PDPR: variants seen among roughly 807,000 people sequenced by gnomAD.
The protein encoded by PDPR is pyruvate dehydrogenase phosphatase regulatory subunit, mitochondrial.
In PDPR, 50 loss-of-function variants were observed where a neutral mutation model predicts 102.2. That is an observed-to-expected ratio of 0.49 (90% CI 0.39 to 0.62). PDPR has a LOEUF of 0.62. Among genes scored for constraint, PDPR ranks in the 20% least tolerant of loss-of-function variants. The probability of loss-of-function intolerance (pLI) is 0.00; values close to 1 mark genes in which losing one functional copy is unlikely to be tolerated. For synonymous variants in PDPR, 259 were observed against 406.0 expected (o/e 0.64, Z 4.35); for missense variants, 625 against 1,098.2 (o/e 0.57, Z 6.09).
chr16:70,129,571 A>G (rs7203526), intron 6 of PDPR, among the ~76,000 whole-genome samples: 1 of 152,034 alleles, frequency 6.6e-6, no homozygotes. Context: ...CTGGTCTTGA[A>G]CTCCTGACCT....
chr16:70,157,563 A>G lies in PDPR; in HGVS notation c.*684A>G, dbSNP rs1296857056. The G allele has an allele frequency of 5.6e-5, 11 of 196,738 alleles. No homozygotes were observed. The highest frequency in any genetic ancestry group is 1.1e-4 in the Non-Finnish European group (11 of 95,848). 12.2% of individuals were successfully genotyped at this position (196,738 alleles called of 1,614,324 possible). A position where few individuals can be genotyped will look rare whatever the true frequency, so the allele number is the denominator to read the frequency against. ...ACCTTTGGGCCAGGGCAGCCTCCCT[A>G]TAATTTTCTTCATCTCTTGCTAATC... is the stretch of plus-strand genomic sequence containing the variant. On this transcript the variant is annotated 3_prime_UTR_variant, in exon 19 of 19. Coordinates refer to ENST00000288050, the MANE Select transcript of PDPR (RefSeq NM_017990.5).
chr16:70,151,166 C>T (rs1966708300), intron 17 of PDPR, among the ~76,000 whole-genome samples: 1 of 152,218 alleles, frequency 6.6e-6, no homozygotes, highest in South Asian at 2.1e-4. Context: ...AATCGCCTGA[C>T]CTCGTGAGCC....
Position 70,156,658 on chromosome 16 carries a change from A to G in PDPR, c.2419A>G (p.Ser807Gly). 1 of 1,614,118 alleles carries G rather than the reference A, an allele frequency of 6.2e-7. No homozygotes were observed. Among genetic ancestry groups the G allele is most frequent in the South Asian group, 1.1e-5 (1 of 91,090 alleles). Reference protein sequence around the residue: ...GKTTSSAYSYSLERHVCLGFV... With the variant: ...GKTTSSAYSYGLERHVCLGFV... The stretch of plus-strand genomic sequence containing the variant: ...GACCACCAGCAGTGCCTACAGCTAC[A>G]GCCTGGAGCGCCACGTTTGCCTGGG... The change falls in exon 19 of 19, where the codon AGC (serine) becomes GGC (glycine). Residue 807 changes from serine (S) to glycine (G), a missense_variant. Ser to Gly is a moderately conservative substitution (Grantham distance 56). Transcript: ENST00000288050.
intron 17 of PDPR, among the ~76,000 whole-genome samples, chr16:70,151,351 G>T (rs1966726991): frequency 6.6e-6 from 1 of 152,276 alleles, no homozygotes; most frequent in South Asian, 2.1e-4. Flanking sequence ...TTACCGGCGT[G>T]AGCCACTGTG....
chr16:70,142,049 G>A (rs574170191), intron 11 of PDPR, among the ~76,000 whole-genome samples, 185 bp from the exon 12 acceptor site: 167 of 152,230 alleles, frequency 1.1e-3, no homozygotes, highest in Non-Finnish European at 1.5e-3. Flanking sequence ...GCAGTAAGCC[G>A]AGATTGTGCC....
chr16:70,154,052 G>A (rs536558029), intron 18 of PDPR, among the ~76,000 whole-genome samples: 3 of 152,364 alleles, frequency 2.0e-5, no homozygotes, highest in South Asian at 4.1e-4. Context: ...GGTTGCGGGC[G>A]CCTATAGTCA....
intron 3 of PDPR, among the ~76,000 whole-genome samples, chr16:70,124,390 C>T (rs1162255658): frequency 6.6e-6 from 1 of 152,240 alleles, no homozygotes; most frequent in Non-Finnish European, 1.5e-5. Context: ...TATGCCTTAT[C>T]CGTGGCTTGT....
At chr16:70,141,474 G>A (rs1482672478) in intron 11 of PDPR, among the ~76,000 whole-genome samples, 1 of 152,276 alleles carries the variant, frequency 6.6e-6, no homozygotes, top group Admixed American at 6.5e-5. Flanking sequence ...CACTTCAGAA[G>A]TGAGTTAATT....
chr16:70,156,290 T>C (rs1967178144), intron 18 of PDPR, 185 bp from the exon 19 acceptor site: 1 of 702,680 alleles, frequency 1.4e-6, no homozygotes, highest in Non-Finnish European at 2.3e-6. Flanking sequence ...CGCGGCGTCT[T>C]TTATATTTCA....
In PDPR at chr16:70,130,509, A is replaced by T; in HGVS notation, c.694A>T (p.Ile232Phe). 1 of 1,614,000 alleles carries T rather than the reference A, an allele frequency of 6.2e-7. No homozygotes were observed. The highest frequency in any genetic ancestry group is 8.5e-7 in the Non-Finnish European group (1 of 1,179,832). Residue 232 changes from isoleucine to phenylalanine, a missense_variant, in exon 7 of 19, where the codon ATT becomes TTT. By Grantham distance (21) the Ile-to-Phe change is conservative (BLOSUM62 0). Transcript: ENST00000288050. ...VTGVETDKGQ[I>F]ECQYFVNCAG... ...TGGAGTGGAGACCGATAAAGGACAG[A>T]TTGAATGCCAGTATTTTGTCAACTG...
chr16:70,156,705 G>A lies in PDPR; in HGVS notation c.2466G>A (p.Glu822=), dbSNP rs750972702. Residue 822 remains glutamate, a synonymous_variant, in exon 19 of 19, where the codon GAG becomes GAA. Transcript: ENST00000288050. ...VCLGFVHNFS[E]DTGEEQVVTA... ...TGGGCTTTGTGCACAATTTTTCTGA[G>A]GACACGGGGGAAGAGCAAGTGGTGA... is the stretch of plus-strand genomic sequence containing the variant. 1 of 1,614,002 alleles carries A rather than the reference G, an allele frequency of 6.2e-7. No individual in the cohort carries two copies. The highest frequency in any genetic ancestry group is 8.5e-7 in the Non-Finnish European group (1 of 1,179,918).
At chr16:70,152,528 A>C (rs1966815221) in intron 17 of PDPR, among the ~76,000 whole-genome samples, 1 of 152,266 alleles carries the variant, frequency 6.6e-6, no homozygotes, top group Admixed American at 6.5e-5. Context: ...AAAAATAAAT[A>C]AGTAAATAAA....
intron 18 of PDPR, among the ~76,000 whole-genome samples, chr16:70,154,121 A>C (rs1966870542): frequency 6.6e-6 from 1 of 152,220 alleles, no homozygotes. Context: ...ACGCCACTGC[A>C]CTCCAGCCTG....
chr16:70,154,918 C>T (rs572550307), intron 18 of PDPR, among the ~76,000 whole-genome samples: 5 of 152,226 alleles, frequency 3.3e-5, no homozygotes, highest in Non-Finnish European at 5.9e-5. Flanking sequence ...GGATTACAGG[C>T]GTGAGACAGC....
rs762921874 is a variant in PDPR at position 70,127,410 on chromosome 16, C to G, written c.361+17C>G. The G allele has an allele frequency of 1.9e-6, 3 of 1,603,106 alleles. No homozygotes were observed. The East Asian group carries it at 6.7e-5, about 36-fold the overall frequency. On this transcript the variant is annotated intron_variant, in intron 4 of 18. Coordinates refer to ENST00000288050, the MANE Select transcript of PDPR (RefSeq NM_017990.5). Reference sequence around the variant, plus strand: ...TCCAAACAGGTAAGCAAGTGTCTTCCATTTATTGCTTTGCCTGTCCCTGAG... The same window carrying G: ...TCCAAACAGGTAAGCAAGTGTCTTCGATTTATTGCTTTGCCTGTCCCTGAG...
intron 3 of PDPR, among the ~76,000 whole-genome samples, chr16:70,121,978 C>A (rs146412569): frequency 2.4e-4 from 37 of 152,166 alleles, no homozygotes; most frequent in South Asian, 1.5e-3. Flanking sequence ...GTTGCCTAGG[C>A]TGTTTTCTTT....
rs530914824 is a variant in PDPR, at chr16:70,133,215, A to G, written c.997+915A>G. On this transcript the variant is annotated intron_variant, in intron 9 of 18. Transcript: ENST00000288050. ...CTGCAACCTCTGCCTCCCCGGTTCA[A>G]GTGATTCTCCTGCCTCAGCCTCCAG... Among the ~76,000 whole-genome samples, 3 of 149,866 alleles carry G rather than the reference A, an allele frequency of 2.0e-5. No individual in the cohort carries two copies. In the South Asian group the frequency reaches 6.4e-4, roughly 32 times the overall value.
rs543584154 is a variant in PDPR, at chr16:70,153,557, G to C, written c.2219G>C (p.Arg740Pro). 234 of 1,605,194 alleles carry C rather than the reference G, an allele frequency of 1.5e-4. No homozygotes were observed. The highest frequency in any genetic ancestry group is 1.9e-4 in the Non-Finnish European group (219 of 1,176,436). ...CCCCTGGAATGTGGACGAGAGTCTC[G>C]GGTGAAATTAGAGAAGGTACTGTGT... ...TTPLECGRES[R>P]VKLEKGMDFI... The change falls in exon 18 of 19, where the codon CGG becomes CCG. Residue 740 changes from arginine to proline, a missense_variant. By Grantham distance (103) the Arg-to-Pro change is moderately radical. This residue lies in a region of PDPR where 303 missense variants were observed against 258.9 expected (regional missense o/e 1.17). Coordinates refer to ENST00000288050, the MANE Select transcript of PDPR (RefSeq NM_017990.5).
At chr16:70,126,305 G>T (rs1325753633) in intron 3 of PDPR, among the ~76,000 whole-genome samples, 2 of 152,256 alleles carry the variant, frequency 1.3e-5, no homozygotes, top group Non-Finnish European at 2.9e-5. Flanking sequence ...GCAAACTTTT[G>T]GGATCAAGGG....
Sources: allele counts gnomAD v4.1 joint callset (sites outside exome capture counted in the v4.1 genomes callset), GRCh38; gene constraint gnomAD v4.1.1; regional missense constraint gnomAD v4.1.1; transcripts MANE v1.5; gene names NCBI Gene and HGNC (gene_info 2026-07-23, HGNC 2026-07-21).